OGG1: variants seen among roughly 807,000 people sequenced by gnomAD.
The protein encoded by OGG1 is 8-oxoguanine DNA glycosylase.
In OGG1, 35 loss-of-function variants were observed where a neutral mutation model predicts 42.3. That is an observed-to-expected ratio of 0.83 (90% CI 0.63 to 1.10). OGG1 has a LOEUF of 1.10. OGG1 is among the 50% of genes least tolerant of loss of function. The probability of loss-of-function intolerance (pLI) is 0.00; values close to 1 mark genes in which losing one functional copy is unlikely to be tolerated. For missense variants in OGG1, 484 were observed against 446.7 expected (o/e 1.08, Z -0.75); for synonymous variants, 189 against 179.0 (o/e 1.06, Z -0.44).
downstream of OGG1, among the ~76,000 whole-genome samples, chr3:9,790,974 A>G (rs886628750): frequency 3.3e-5 from 5 of 152,236 alleles, no homozygotes; most frequent in Non-Finnish European, 5.9e-5. Context: ...CCTGACAGCC[A>G]TAACTGTCCT....
chr3:9,781,105 G>T (rs1420845191), intron 2 of OGG1, among the ~76,000 whole-genome samples: 1 of 152,000 alleles, frequency 6.6e-6, no homozygotes, highest in Non-Finnish European at 1.5e-5. Flanking sequence ...ACTCCAGTCT[G>T]GGCAACAGAG....
chr3:9,760,798 C>T, downstream of OGG1: 1 of 1,613,284 alleles, frequency 6.2e-7, no homozygotes. Context: ...TCCTCATTTC[C>T]ACTTTCGGGT....
At chr3:9,758,777 G>T, downstream of OGG1, 1 of 227,044 alleles carries the variant, frequency 4.4e-6, no homozygotes, top group Non-Finnish European at 8.9e-6. Flanking sequence ...TTACAGGCAC[G>T]CACCACCATG....
chr3:9,787,856 G>C (rs2078652801), exon 4 of OGG1: 2 of 521,692 alleles, frequency 3.8e-6, no homozygotes, highest in Admixed American at 2.7e-5. Flanking sequence ...GGTAACATGA[G>C]ATCAGGGCCT....
chr3:9,783,905 T>TCCAGGTGATTTAGAGGCC, intron 3 of OGG1: 1 of 1,414,230 alleles, frequency 7.1e-7, no homozygotes, highest in East Asian at 2.6e-5. Context: ...TTTTCGAGGC[T>TCCAGGTGATTTAGAGGCC]CTCCAGGTGA....
At chr3:9,751,292 A>G (rs912253439) in intron 2 of OGG1, 100 bp downstream of exon 2, 22 of 1,228,670 alleles carry the variant, frequency 1.8e-5, no homozygotes, top group Non-Finnish European at 2.5e-5. Context: ...TATCTACTTC[A>G]TAGGCTTTTA....
chr3:9,756,414 A>G, intron 4 of OGG1, 57 bp from the exon 5 acceptor site: 1 of 1,598,198 alleles, frequency 6.3e-7, no homozygotes, highest in Non-Finnish European at 8.6e-7. Context: ...GCTATAAGCA[A>G]GATGCTGGCC....
chr3:9,751,645 G>C, intron 2 of OGG1, 125 bp from the exon 3 acceptor site: 1 of 883,334 alleles, frequency 1.1e-6, no homozygotes, highest in Non-Finnish European at 1.9e-6. Flanking sequence ...TTTCTCTAAC[G>C]GTGCTGACTC....
At chr3:9,761,912 A>C (rs2077896087), downstream of OGG1, 12 of 1,203,904 alleles carry the variant, frequency 1.0e-5, no homozygotes, top group Middle Eastern at 2.9e-4. Flanking sequence ...GCTCTCAAGA[A>C]GGCCAAAAAT....
At chr3:9,761,594 C>A (rs771069252), downstream of OGG1, 2 of 1,613,716 alleles carry the variant, frequency 1.2e-6, no homozygotes, top group Admixed American at 3.3e-5. Flanking sequence ...TCCTGGTTCC[C>A]CCCACCATCA....
At chr3:9,752,529 CAAAAAA>C (rs144337359) in intron 3 of OGG1, among the ~76,000 whole-genome samples, 1 of 75,024 alleles carries the variant, frequency 1.3e-5, no homozygotes, top group African/African-American at 4.9e-5. Flanking sequence ...GACTCTGTCT[CAAAAAA>C]AAAAAAAAAA....
At chr3:9,786,808 T>C (rs1453817825) in intron 3 of OGG1, among the ~76,000 whole-genome samples, 2 of 152,242 alleles carry the variant, frequency 1.3e-5, no homozygotes, top group Admixed American at 6.5e-5. Context: ...ACATTTATGA[T>C]CTGTGCACTT....
intron 2 of OGG1, chr3:9,780,155 C>T: frequency 2.0e-6 from 1 of 506,596 alleles, no homozygotes; most frequent in Non-Finnish European, 3.5e-6. Context: ...GAGACTAGGC[C>T]TCAGGCTAGC....
chr3:9,785,412 G>A, intron 3 of OGG1: 3 of 1,612,936 alleles, frequency 1.9e-6, no homozygotes, highest in Non-Finnish European at 2.5e-6. Context: ...CTCCATAGGG[G>A]AAATAATATT....
chr3:9,760,589 G>A (rs1044423442), downstream of OGG1: 180 of 1,517,878 alleles, frequency 1.2e-4, no homozygotes, highest in Non-Finnish European at 1.5e-4. Flanking sequence ...GAGGGAGACC[G>A]CCCCCAAAGC....
rs1201512419 is a variant in OGG1 at position 9,751,901 on chromosome 3, C to T, written c.517C>T (p.Leu173Phe). The change falls in exon 3 of 7, where the codon CTT (leucine) becomes TTT (phenylalanine). Residue 173 changes from leucine (L) to phenylalanine (F), a missense_variant. Leu to Phe is a conservative substitution (Grantham distance 22, BLOSUM62 0). Coordinates refer to ENST00000344629, the MANE Select transcript of OGG1 (RefSeq NM_002542.6). ...CQAFGPRLIQ[L>F]DDVTYHGFPS... ...GGCTTTTGGACCTCGGCTCATCCAGCTTGATGATGTCACCTACCATGGCTT... is the reference window on the plus strand; with the variant it reads ...GGCTTTTGGACCTCGGCTCATCCAGTTTGATGATGTCACCTACCATGGCTT... The T allele has an allele frequency of 6.2e-7, 1 of 1,614,166 alleles. No individual in the cohort carries two copies. Among genetic ancestry groups the T allele is most frequent in the Admixed American group, 1.7e-5 (1 of 60,020 alleles).
chr3:9,785,219 C>G, intron 3 of OGG1: 1 of 919,666 alleles, frequency 1.1e-6, no homozygotes, highest in South Asian at 1.6e-5. Context: ...CTAACTGCCC[C>G]CAGCCTCTTA....
intron 3 of OGG1, among the ~76,000 whole-genome samples, chr3:9,753,249 C>T (rs1037694212): frequency 1.2e-4 from 18 of 151,056 alleles, no homozygotes; most frequent in African/African-American, 3.2e-4. Flanking sequence ...GAGGCTGAGG[C>T]GGGAGAATCA....
intron 7 of OGG1, among the ~76,000 whole-genome samples, chr3:9,764,633 T>TTG (rs1559702323): frequency 2.4e-4 from 36 of 147,556 alleles, no homozygotes; most frequent in African/African-American, 9.0e-4. Flanking sequence ...TTTTTGTTTT[T>TTG]TTTTTTTTTT....
Sources: gnomAD v4.1 joint callset for allele counts (sites outside exome capture counted in the v4.1 genomes callset) on GRCh38, gnomAD v4.1.1 for gene constraint, MANE v1.5 for transcripts, NCBI Gene and HGNC (gene_info 2026-07-23, HGNC 2026-07-21) for gene names.